ZFPM2: variants seen among roughly 807,000 people sequenced by gnomAD.
ZFPM2 encodes the protein zinc finger protein ZFPM2.
Under a neutral mutation model 98.6 loss-of-function variants are expected in ZFPM2, and 20 were observed. The ratio of observed to expected loss-of-function variants is 0.20; its 90% CI spans 0.14 to 0.29. ZFPM2 has a LOEUF of 0.29. Ranked by LOEUF, ZFPM2 falls within the 10% of genes least tolerant of loss-of-function variation. The pLI is 1.00. For missense variants in ZFPM2, 1,310 were observed against 1,388.6 expected, an observed-to-expected ratio of 0.94 and a Z score of 0.90; for synonymous variants, 518 against 502.7, an observed-to-expected ratio of 1.03 and a Z score of -0.41.
rs1211432969 is a variant in ZFPM2, at chr8:105,331,572, G to T, written c.40+12591G>T. ...GTGAAACAGATGTTAACAGCATATT[G>T]TTCCTACTCTCCTAAGAAAGAAACA... On this transcript the variant is annotated intron_variant, in intron 1 of 7. Coordinates refer to ENST00000407775, the MANE Select transcript of ZFPM2 (RefSeq NM_012082.4). 2.0e-5 allele frequency among the ~76,000 whole-genome samples: 3 copies of T among 151,708 alleles called. No individual in the cohort carries two copies. In the East Asian group the frequency reaches 5.8e-4, roughly 29 times the overall value.
In ZFPM2 at chr8:105,634,312, C is replaced by A. The variant is rs772065641; in HGVS notation, c.487C>A (p.Gln163Lys). The change falls in exon 5 of 8, where the codon CAA becomes AAA. Residue 163 changes from glutamine to lysine, a missense_variant. Physicochemically the swap from Gln to Lys is moderately conservative, Grantham distance 53. Transcript: ENST00000407775. ...CAAGTGGTTGCTGGATGTGACTTGG[C>A]AAGGAGTGGAAGACAACAAAAACAA... ...GPKWLLDVTW[Q>K]GVEDNKNNCI... The A allele has an allele frequency of 6.2e-7, 1 of 1,612,966 alleles. No homozygotes were observed. The highest frequency in any genetic ancestry group is 1.1e-5 in the South Asian group (1 of 90,828).
chr8:105,592,696 T>A (rs895705944), intron 4 of ZFPM2, among the ~76,000 whole-genome samples: 5 of 152,056 alleles, frequency 3.3e-5, no homozygotes, highest in Admixed American at 6.6e-5. Context: ...GATCCATATC[T>A]CTCCCACCAG....
At chr8:105,588,961 G>A (rs1474428127) in intron 4 of ZFPM2, among the ~76,000 whole-genome samples, 4 of 152,168 alleles carry the variant, frequency 2.6e-5, no homozygotes, top group South Asian at 2.1e-4. Flanking sequence ...GATCTATAGT[G>A]TACACAGTTG....
chr8:105,348,599 G>A (rs182685140), intron 1 of ZFPM2, among the ~76,000 whole-genome samples: 9 of 152,312 alleles, frequency 5.9e-5, no homozygotes, highest in Non-Finnish European at 1.3e-4. Context: ...GCTAAAGTGT[G>A]CTGTGACTAC....
At chr8:105,445,347 T>C (rs552173117) in intron 3 of ZFPM2, among the ~76,000 whole-genome samples, 28 of 152,350 alleles carry the variant, frequency 1.8e-4, no homozygotes, top group African/African-American at 6.3e-4. Context: ...TTGTATTCTG[T>C]ATACTATAAC....
intron 5 of ZFPM2, among the ~76,000 whole-genome samples, chr8:105,651,671 C>T (rs749137798): frequency 3.6e-4 from 55 of 152,074 alleles, no homozygotes; most frequent in Non-Finnish European, 1.8e-4. Context: ...GGTATTCTAC[C>T]AAGCTGGATG....
intron 1 of ZFPM2, among the ~76,000 whole-genome samples, chr8:105,358,879 C>T (rs1031239258): frequency 2.0e-4 from 31 of 152,112 alleles, no homozygotes; most frequent in African/African-American, 7.0e-4. Flanking sequence ...CACTTGAACC[C>T]GGGAGGCAGA....
At chr8:105,430,092 T>C (rs1049588098) in intron 2 of ZFPM2, among the ~76,000 whole-genome samples, 1 of 152,180 alleles carries the variant, frequency 6.6e-6, no homozygotes, top group Non-Finnish European at 1.5e-5. Context: ...ACCTGAGCAC[T>C]GGGGCAGTAC....
At chr8:105,583,431 GA>G (rs1027610976) in intron 4 of ZFPM2, among the ~76,000 whole-genome samples, 2 of 151,650 alleles carry the variant, frequency 1.3e-5, no homozygotes, top group South Asian at 2.1e-4. Context: ...AATGCTTACA[GA>G]AAAAAAATAG....
intron 4 of ZFPM2, among the ~76,000 whole-genome samples, chr8:105,628,150 C>G (rs879447674): frequency 6.6e-6 from 1 of 152,118 alleles, no homozygotes; most frequent in Non-Finnish European, 1.5e-5. Context: ...GTGCTGATGT[C>G]CATTCTGAAG....
At chr8:105,615,642 A>C (rs1198931769) in intron 4 of ZFPM2, among the ~76,000 whole-genome samples, 2 of 152,130 alleles carry the variant, frequency 1.3e-5, no homozygotes, top group East Asian at 3.9e-4. Context: ...AGATTTTAAA[A>C]GGCTGAGAAA....
chr8:105,731,818 A>G (rs1811946641), intron 5 of ZFPM2, among the ~76,000 whole-genome samples: 2 of 151,822 alleles, frequency 1.3e-5, no homozygotes, highest in South Asian at 2.1e-4. Context: ...TTTGAAAATC[A>G]AAGGAAAATG....
At chr8:105,487,129 T>C (rs903547337) in intron 3 of ZFPM2, among the ~76,000 whole-genome samples, 4 of 152,180 alleles carry the variant, frequency 2.6e-5, no homozygotes, top group African/African-American at 9.6e-5. Context: ...ATTTTTATTT[T>C]TGAGATAGAG....
At position 105,567,452 on chromosome 8, in the gene ZFPM2, G is replaced by C. The variant is rs371178518; in HGVS notation, c.420+5971G>C. Among the ~76,000 whole-genome samples the C allele has an allele frequency of 6.6e-5, 10 of 151,636 alleles. No homozygotes were observed. In the East Asian group the frequency reaches 1.5e-3, roughly 23 times the overall value. On this transcript the variant is annotated intron_variant, in intron 4 of 7. Coordinates refer to ENST00000407775, the MANE Select transcript of ZFPM2 (RefSeq NM_012082.4). ...ATATAAGATGTGTTCTATATTGTCT[G>C]TTAGAGTTTGGCAGTGGAATTGAGC...
intron 4 of ZFPM2, among the ~76,000 whole-genome samples, chr8:105,572,829 C>T (rs546431483): frequency 2.6e-5 from 4 of 152,112 alleles, no homozygotes; most frequent in Non-Finnish European, 5.9e-5. Flanking sequence ...AACCCCTTGT[C>T]CCAGCTTGAC....
chr8:105,327,225 G>T (rs1200775056), intron 1 of ZFPM2, among the ~76,000 whole-genome samples: 1 of 151,408 alleles, frequency 6.6e-6, no homozygotes, highest in African/African-American at 2.4e-5. Context: ...AATCTACATA[G>T]ATTTTTTCAG....
intron 2 of ZFPM2, among the ~76,000 whole-genome samples, chr8:105,423,995 A>G (rs1811855027): frequency 6.6e-6 from 1 of 151,692 alleles, no homozygotes; most frequent in Non-Finnish European, 1.5e-5. Context: ...ATATAAAAAA[A>G]GATAACTCAG....
intron 4 of ZFPM2, among the ~76,000 whole-genome samples, chr8:105,631,351 A>G (rs1816751703): frequency 6.6e-6 from 1 of 152,198 alleles, no homozygotes; most frequent in Admixed American, 6.5e-5. Flanking sequence ...AATGATGATT[A>G]TGATAGATAA....
intron 6 of ZFPM2, among the ~76,000 whole-genome samples, chr8:105,790,745 T>G (rs1261216231): frequency 6.6e-6 from 1 of 152,212 alleles, no homozygotes; most frequent in Admixed American, 6.5e-5. Flanking sequence ...GTTCTTCCAT[T>G]TGTTTGTATC....
Sources: allele counts gnomAD v4.1 joint callset (sites outside exome capture counted in the v4.1 genomes callset), GRCh38; gene constraint gnomAD v4.1.1; transcripts MANE v1.5; gene names NCBI Gene and HGNC (gene_info 2026-07-23, HGNC 2026-07-21).